Variants in FBXL4 observed in about 807,000 individuals in gnomAD.
FBXL4 encodes F-box and leucine rich repeat protein 4.
A neutral mutation model predicts 58.9 loss-of-function variants in FBXL4; 40 were observed. That is an observed-to-expected ratio of 0.68 (90% CI 0.53 to 0.88). FBXL4 has a LOEUF of 0.88. FBXL4 is among the 40% of genes least tolerant of loss of function. FBXL4 has a pLI of 0.00. For synonymous variants in FBXL4, 263 were observed against 265.5 expected, an observed-to-expected ratio of 0.99 and a Z score of 0.09; for missense variants, 676 against 734.4, an observed-to-expected ratio of 0.92 and a Z score of 0.92.
intron 4 of FBXL4, among the ~76,000 whole-genome samples, chr6:98,923,367 A>G (rs570950885): frequency 1.3e-5 from 2 of 152,322 alleles, no homozygotes; most frequent in African/African-American, 4.8e-5. Flanking sequence ...ATCCAAAAAA[A>G]TCTATAAAAT....
chr6:98,930,078 A>C (rs560612150), intron 2 of FBXL4, among the ~76,000 whole-genome samples: 8 of 152,364 alleles, frequency 5.3e-5, no homozygotes, highest in African/African-American at 1.9e-4. Context: ...TCCAAAACAT[A>C]CAACAGACTA....
intron 6 of FBXL4, 131 bp downstream of exon 6, chr6:98,905,294 CA>C (rs1457634994): frequency 1.2e-5 from 14 of 1,121,788 alleles, no homozygotes; most frequent in Non-Finnish European, 1.7e-5. Context: ...ACATGACACT[CA>C]AAATATATTT....
intron 7 of FBXL4, chr6:98,897,430 T>C (rs1771447080): frequency 8.8e-6 from 7 of 797,098 alleles, no homozygotes; most frequent in Non-Finnish European, 4.6e-6. Context: ...TGAGACAATG[T>C]CTTCACCTAG....
intron 5 of FBXL4, among the ~76,000 whole-genome samples, chr6:98,912,213 A>C (rs1426451986): frequency 1.3e-5 from 2 of 152,250 alleles, no homozygotes; most frequent in East Asian, 3.9e-4. Context: ...GCGTACCTGA[A>C]AGTGACAGGG....
chr6:98,917,027 ATAAC>A (rs942979041), intron 5 of FBXL4, among the ~76,000 whole-genome samples: 2 of 152,230 alleles, frequency 1.3e-5, no homozygotes, highest in East Asian at 1.9e-4. Flanking sequence ...CATCTTTAAC[ATAAC>A]TAATAAAAAG....
At chr6:98,877,443 C>T (rs1360035267) in intron 8 of FBXL4, among the ~76,000 whole-genome samples, 2 of 152,156 alleles carry the variant, frequency 1.3e-5, no homozygotes, top group South Asian at 2.1e-4. Flanking sequence ...TGAGAAATTC[C>T]TTCAAGAGTT....
chr6:98,880,310 A>G (rs1770805327), intron 8 of FBXL4, among the ~76,000 whole-genome samples: 1 of 152,208 alleles, frequency 6.6e-6, no homozygotes. Context: ...CTTGAGGCAG[A>G]ACTATACTCT....
intron 4 of FBXL4, among the ~76,000 whole-genome samples, chr6:98,923,443 A>G (rs1207115960): frequency 6.6e-6 from 1 of 152,210 alleles, no homozygotes; most frequent in Non-Finnish European, 1.5e-5. Flanking sequence ...AGTTGCCAAC[A>G]GCTTATTCTC....
intron 1 of FBXL4, among the ~76,000 whole-genome samples, chr6:98,947,227 G>A (rs931871100): frequency 6.6e-6 from 1 of 152,240 alleles, no homozygotes; most frequent in Non-Finnish European, 1.5e-5. Flanking sequence ...AAAACCACCC[G>A]TTATAAATAT....
At chr6:98,943,833 A>C (rs1773523398) in intron 1 of FBXL4, among the ~76,000 whole-genome samples, 1 of 152,188 alleles carries the variant, frequency 6.6e-6, no homozygotes, top group Non-Finnish European at 1.5e-5. Context: ...AAAAATCACT[A>C]AACAGGGCAA....
intron 8 of FBXL4, among the ~76,000 whole-genome samples, chr6:98,876,711 C>T (rs528004201): frequency 2.8e-4 from 42 of 152,074 alleles, no homozygotes; most frequent in Middle Eastern, 3.4e-3. Flanking sequence ...CAGAGTGTCA[C>T]GGGTTGAGGG....
intron 5 of FBXL4, among the ~76,000 whole-genome samples, chr6:98,910,826 G>A (rs570043138): frequency 1.6e-4 from 24 of 152,262 alleles, no homozygotes; most frequent in South Asian, 4.1e-4. Context: ...GATAGTGGGC[G>A]CAGGACAGTG....
At chr6:98,930,077 T>C (rs554386532) in intron 2 of FBXL4, among the ~76,000 whole-genome samples, 2 of 152,114 alleles carry the variant, frequency 1.3e-5, no homozygotes, top group African/African-American at 2.4e-5. Context: ...TTCCAAAACA[T>C]ACAACAGACT....
intron 5 of FBXL4, among the ~76,000 whole-genome samples, chr6:98,913,126 A>G (rs147213521): frequency 0.013 from 1,980 of 152,336 alleles, 33 homozygotes; most frequent in African/African-American, 0.046. Flanking sequence ...AGAAGAGCTA[A>G]CTGTCCTAAA....
chr6:98,916,253 G>C (rs190563531), intron 5 of FBXL4, among the ~76,000 whole-genome samples: 4 of 152,262 alleles, frequency 2.6e-5, no homozygotes, highest in Non-Finnish European at 2.9e-5. Flanking sequence ...GTGGAAGTCA[G>C]TGTGGCGATT....
chr6:98,904,749 C>T (rs931674526), intron 6 of FBXL4, among the ~76,000 whole-genome samples: 4 of 151,990 alleles, frequency 2.6e-5, no homozygotes, highest in African/African-American at 9.7e-5. Context: ...TGAGAAAAAC[C>T]ATGATCAAGG....
intron 2 of FBXL4, among the ~76,000 whole-genome samples, chr6:98,928,522 G>T (rs1340242694): frequency 2.0e-5 from 3 of 152,074 alleles, no homozygotes; most frequent in East Asian, 1.9e-4. Context: ...TAGAAACAGG[G>T]TTTCACCATG....
intron 1 of FBXL4, among the ~76,000 whole-genome samples, chr6:98,943,346 G>C (rs1019489599): frequency 6.6e-6 from 1 of 151,872 alleles, no homozygotes; most frequent in African/African-American, 2.4e-5. Context: ...GCCAAGGCGG[G>C]TGGATCACTT....
intron 8 of FBXL4, among the ~76,000 whole-genome samples, chr6:98,880,223 G>A (rs934751037): frequency 7.9e-5 from 12 of 152,064 alleles, no homozygotes; most frequent in African/African-American, 2.7e-4. Context: ...CTGAACTATC[G>A]GCATTTAGGT....
Sources: gnomAD v4.1 joint callset for allele counts (sites outside exome capture counted in the v4.1 genomes callset) on GRCh38, gnomAD v4.1.1 for gene constraint, MANE v1.5 for transcripts, NCBI Gene and HGNC (gene_info 2026-07-23, HGNC 2026-07-21) for gene names.